FOXC2: variants seen among roughly 807,000 people sequenced by gnomAD.
FOXC2 encodes forkhead box protein C2.
FOXC2 carries 7 observed loss-of-function variants against 7.2 expected under a neutral mutation model. The observed-to-expected ratio is 0.97, with a 90% confidence interval of 0.55 to 1.81. The LOEUF (loss-of-function observed/expected upper bound fraction) is 1.81. Among genes scored for constraint, FOXC2 ranks in the 40% most tolerant of loss-of-function variants. FOXC2 has a pLI of 0.00. For missense variants in FOXC2, 846 were observed against 741.2 expected (o/e 1.14, Z -1.64); for synonymous variants, 436 against 350.4 (o/e 1.24, Z -2.73).
chr16:86,568,311 G>T lies in FOXC2; in HGVS notation c.976G>T (p.Ala326Ser). Residue 326 changes from alanine (A) to serine (S), a missense_variant, in exon 1 of 1, where the codon GCC becomes TCC. By Grantham distance (99) the Ala-to-Ser change is moderately conservative (BLOSUM62 1). Coordinates refer to ENST00000649859, the MANE Select transcript of FOXC2 (RefSeq NM_005251.3). The surrounding 1 kb of genome is among the most constrained non-coding windows in gnomAD (Gnocchi z 5.2). The part of the protein sequence containing the change: ...PCAQGLEAGA[A>S]GGYQCSMRAM... ...CGCTCAGGGCCTGGAGGCCGGGGCC[G>T]CCGGGGGCTACCAGTGCAGCATGCG... 1 of 1,273,736 alleles carries T rather than the reference G, an allele frequency of 7.9e-7. No individual in the cohort carries two copies. Among genetic ancestry groups the T allele is most frequent in the Non-Finnish European group, 9.9e-7 (1 of 1,009,828 alleles). The allele number at this position is 1,273,736 out of a possible 1,614,324, so 78.9% of individuals were successfully genotyped here.
chr16:86,568,369 C>T lies in FOXC2; in HGVS notation c.1034C>T (p.Pro345Leu). The T allele has an allele frequency of 7.3e-7, 1 of 1,377,754 alleles. No homozygotes were observed. Among genetic ancestry groups the T allele is most frequent in the Middle Eastern group, 2.3e-4 (1 of 4,262 alleles). The allele number at this position is 1,377,754 out of a possible 1,614,324, so 85.3% of individuals were successfully genotyped here. A position where few individuals can be genotyped will look rare whatever the true frequency, so the allele number is the denominator to read the frequency against. The change falls in exon 1 of 1, where the codon CCG becomes CTG. Residue 345 changes from proline to leucine, a missense_variant. Physicochemically the swap from Pro to Leu is moderately conservative, Grantham distance 98. Around this residue, in one of 3 missense-constraint regions of FOXC2, gnomAD observed 640 missense variants for 503.2 expected, o/e 1.27. Transcript: ENST00000649859. The surrounding 1 kb of genome is among the most constrained non-coding windows in gnomAD (Gnocchi z 5.2). ...AMSLYTGAER[P>L]AHMCVPPALD... ...AGCCTGTACACCGGGGCCGAGCGGC[C>T]GGCGCACATGTGCGTCCCGCCCGCC...
At position 86,568,313 on chromosome 16, in the gene FOXC2, CG is replaced by C. The variant is rs1483728358; in HGVS notation, c.983del (p.Gly328AlafsTer9). On this transcript the variant is annotated frameshift_variant, in exon 1 of 1. Coordinates refer to ENST00000649859, the MANE Select transcript of FOXC2 (RefSeq NM_005251.3). LOFTEE classifies it low-confidence loss of function (END_TRUNC). The surrounding 1 kb of genome is among the most constrained non-coding windows in gnomAD (Gnocchi z 5.2). ...CTCAGGGCCTGGAGGCCGGGGCCGC[CG>C]GGGGCTACCAGTGCAGCATGCGAGC... is the stretch of plus-strand genomic sequence containing the variant. ...CAQGLEAGAA[G>X]GYQCSMRAMS... 6 of 1,278,860 alleles carry C rather than the reference CG, an allele frequency of 4.7e-6. No individual in the cohort carries two copies. Among genetic ancestry groups the C allele is most frequent in the South Asian group, 2.5e-5 (1 of 40,528 alleles). 79.2% of individuals were successfully genotyped at this position (1,278,860 alleles called of 1,614,324 possible).
At position 86,568,613 on chromosome 16, in the gene FOXC2, C is replaced by G. The variant is rs1229283171; in HGVS notation, c.1278C>G (p.Leu426=). The G allele has an allele frequency of 6.2e-7, 1 of 1,611,700 alleles. No individual in the cohort carries two copies. Among genetic ancestry groups the G allele is most frequent in the Non-Finnish European group, 8.5e-7 (1 of 1,179,574 alleles). Residue 426 remains leucine (L), a synonymous_variant, in exon 1 of 1, where the codon CTC becomes CTG. Transcript: ENST00000649859. This position sits in a 1 kb window ranked among gnomAD's most constrained non-coding sequence, Gnocchi z 5.2. The part of the protein sequence containing the change: ...AAAAQAASWY[L]NHSGDLNHLP... The stretch of plus-strand genomic sequence containing the variant: ...CGGCGCAGGCGGCCTCCTGGTATCT[C>G]AACCACAGCGGGGACCTGAACCACC...
At position 86,569,216 on chromosome 16, in the gene FOXC2, C is replaced by G; in HGVS notation, c.*375C>G. The G allele has an allele frequency of 2.7e-6, 1 of 371,538 alleles. No individual in the cohort carries two copies. Among genetic ancestry groups the G allele is most frequent in the South Asian group, 2.7e-5 (1 of 36,456 alleles). The allele number at this position is 371,538 out of a possible 1,614,324, so 23.0% of individuals were successfully genotyped here. Reference sequence around the variant, plus strand: ...GCCCCTAGTGACTTTCTGTAGGGGTCCCCATAGGTGTATGGGGGTCTCTAT... The same window carrying G: ...GCCCCTAGTGACTTTCTGTAGGGGTGCCCATAGGTGTATGGGGGTCTCTAT... On this transcript the variant is annotated 3_prime_UTR_variant, in exon 1 of 1. Coordinates refer to ENST00000649859, the MANE Select transcript of FOXC2 (RefSeq NM_005251.3).
rs1363730825 is a variant in FOXC2, at chr16:86,568,134, C to A, written c.799C>A (p.Leu267Met). 1 of 1,351,366 alleles carries A rather than the reference C, an allele frequency of 7.4e-7. No homozygotes were observed. Among genetic ancestry groups the A allele is most frequent in the Admixed American group, 3.8e-5 (1 of 26,098 alleles). 83.7% of individuals were successfully genotyped at this position (1,351,366 alleles called of 1,614,324 possible). A position where few individuals can be genotyped will look rare whatever the true frequency, so the allele number is the denominator to read the frequency against. ...PEHHAAAPNG[L>M]PGFSVENIMT... is the part of the protein sequence containing the mutation. Reference sequence around the variant, plus strand: ...GCACCACGCCGCGGCGCCCAACGGGCTGCCTGGCTTCAGCGTGGAGAACAT... The same window carrying A: ...GCACCACGCCGCGGCGCCCAACGGGATGCCTGGCTTCAGCGTGGAGAACAT... Residue 267 changes from leucine (L) to methionine (M), a missense_variant, in exon 1 of 1, where the codon CTG becomes ATG. Leu to Met is a conservative substitution (Grantham distance 15). Transcript: ENST00000649859. The surrounding 1 kb of genome is among the most constrained non-coding windows in gnomAD (Gnocchi z 5.2).
rs3751794 is a variant in FOXC2, at chr16:86,569,037, C to A, written c.*196C>A. On this transcript the variant is annotated 3_prime_UTR_variant, in exon 1 of 1. Coordinates refer to ENST00000649859, the MANE Select transcript of FOXC2 (RefSeq NM_005251.3). ...AAGAGCGCAGGTAACTTTAATTCGCCGCCCCGTTTCTGGGATCCCAGGAAA... is the reference window on the plus strand; with the variant it reads ...AAGAGCGCAGGTAACTTTAATTCGCAGCCCCGTTTCTGGGATCCCAGGAAA... The A allele has an allele frequency of 2.9e-6, 2 of 689,820 alleles. No homozygotes were observed. Among genetic ancestry groups the A allele is most frequent in the Non-Finnish European group, 5.0e-6 (2 of 402,722 alleles). The allele number at this position is 689,820 out of a possible 1,614,324, so 42.7% of individuals were successfully genotyped here. A position where few individuals can be genotyped will look rare whatever the true frequency, so the allele number is the denominator to read the frequency against.
chr16:86,568,471 AG>A lies in FOXC2; in HGVS notation c.1139del (p.Gly380AlafsTer53). On this transcript the variant is annotated frameshift_variant, in exon 1 of 1. Coordinates refer to ENST00000649859, the MANE Select transcript of FOXC2 (RefSeq NM_005251.3). LOFTEE classifies it high-confidence loss of function. The surrounding 1 kb of genome is among the most constrained non-coding windows in gnomAD (Gnocchi z 5.2). ...LSALNLAAGQ[E>X]GALAATGHHH... The stretch of plus-strand genomic sequence containing the variant: ...GCTCTCAACCTCGCCGCCGGCCAGG[AG>A]GGCGCGCTCGCCGCCACGGGCCACC... 7.6e-7 allele frequency: 1 copy of A among 1,318,140 alleles called. No individual in the cohort carries two copies. Among genetic ancestry groups the A allele is most frequent in the Non-Finnish European group, 9.7e-7 (1 of 1,029,024 alleles). The allele number at this position is 1,318,140 out of a possible 1,614,324, so 81.7% of individuals were successfully genotyped here. A position where few individuals can be genotyped will look rare whatever the true frequency, so the allele number is the denominator to read the frequency against.
chr16:86,567,430 G>A lies in FOXC2; in HGVS notation c.95G>A (p.Gly32Asp). ...TACTACCGGGCTGCGGGCAGCTACG[G>A]CGGCATGGCCAGCCCCATGGGCGTC... ...QNYYRAAGSY[G>D]GMASPMGVYS... is the part of the protein sequence containing the mutation. Residue 32 changes from glycine to aspartate, a missense_variant, in exon 1 of 1, where the codon GGC (glycine) becomes GAC (aspartate). Gly to Asp is a moderately conservative substitution (Grantham distance 94, BLOSUM62 -1). This residue lies in a region of FOXC2 where 154 missense variants were observed against 134.2 expected (regional missense o/e 1.15). Coordinates refer to ENST00000649859, the MANE Select transcript of FOXC2 (RefSeq NM_005251.3). 6.2e-7 allele frequency: 1 copy of A among 1,613,274 alleles called. No homozygotes were observed. Among genetic ancestry groups the A allele is most frequent in the Non-Finnish European group, 8.5e-7 (1 of 1,179,858 alleles).
rs1192798381 is a variant in FOXC2 at position 86,569,347 on chromosome 16, C to A, written c.*506C>A. On this transcript the variant is annotated 3_prime_UTR_variant, in exon 1 of 1. Transcript: ENST00000649859. Reference sequence around the variant, plus strand: ...TGTTGTTGTTGTTGTTGTTCAGAGCCATTAATATAATATTTAAAGTTGAGT... The same window carrying A: ...TGTTGTTGTTGTTGTTGTTCAGAGCAATTAATATAATATTTAAAGTTGAGT... The A allele has an allele frequency of 5.8e-6, 1 of 171,512 alleles. No homozygotes were observed. The highest frequency in any genetic ancestry group is 6.0e-5 in the Admixed American group (1 of 16,538). 10.6% of individuals were successfully genotyped at this position (171,512 alleles called of 1,614,324 possible). A position where few individuals can be genotyped will look rare whatever the true frequency, so the allele number is the denominator to read the frequency against.
Position 86,567,968 on chromosome 16 carries a change from G to A in FOXC2, c.633G>A (p.Val211=). The change falls in exon 1 of 1, where the codon GTG becomes GTA. Residue 211 remains valine, a synonymous_variant. Transcript: ENST00000649859. The stretch of plus-strand genomic sequence containing the variant: ...CCCCCAAGGAGGCCGAGAAGAAGGT[G>A]GTGATCAAGAGCGAGGCGGCGTCCC... ...ADAPKEAEKK[V]VIKSEAASPA... is the part of the protein sequence containing the mutation. 3.9e-6 allele frequency: 6 copies of A among 1,540,078 alleles called. No individual in the cohort carries two copies. Among genetic ancestry groups the A allele is most frequent in the Non-Finnish European group, 4.3e-6 (5 of 1,158,164 alleles).
chr16:86,568,461 GC>G lies in FOXC2; in HGVS notation c.1128del (p.Gly377AlafsTer56). 1 of 1,342,136 alleles carries G rather than the reference GC, an allele frequency of 7.5e-7. No individual in the cohort carries two copies. The allele number at this position is 1,342,136 out of a possible 1,614,324, so 83.1% of individuals were successfully genotyped here. On this transcript the variant is annotated frameshift_variant, in exon 1 of 1. Transcript: ENST00000649859. LOFTEE classifies it high-confidence loss of function. This position sits in a 1 kb window ranked among gnomAD's most constrained non-coding sequence, Gnocchi z 5.2. ...TSPLSALNLA[A>X]GQEGALAATG... The stretch of plus-strand genomic sequence containing the variant: ...GCCCCTGAGCGCTCTCAACCTCGCC[GC>G]CGGCCAGGAGGGCGCGCTCGCCGCC...
chr16:86,568,907 C>T lies in FOXC2; in HGVS notation c.*66C>T, dbSNP rs142773766. Reference sequence around the variant, plus strand: ...GCTTCCCAGCCCCGACCCAACCAGACAATTAAGGGGCTGCAGAGACGCAAA... The same window carrying T: ...GCTTCCCAGCCCCGACCCAACCAGATAATTAAGGGGCTGCAGAGACGCAAA... On this transcript the variant is annotated 3_prime_UTR_variant, in exon 1 of 1. Transcript: ENST00000649859. This position sits in a 1 kb window ranked among gnomAD's most constrained non-coding sequence, Gnocchi z 5.2. The T allele has an allele frequency of 2.4e-4, 378 of 1,596,104 alleles. No individual in the cohort carries two copies. In the African/African-American group the frequency reaches 4.2e-3, roughly 18 times the overall value.
At position 86,567,526 on chromosome 16, in the gene FOXC2, C is replaced by G. The variant is rs369622966; in HGVS notation, c.191C>G (p.Pro64Arg). Reference sequence around the variant, plus strand: ...TACGCGCCCTACCACCACCACCAGCCCGCGGCGCCTAAGGACCTGGTGAAG... The same window carrying G: ...TACGCGCCCTACCACCACCACCAGCGCGCGGCGCCTAAGGACCTGGTGAAG... Reference protein sequence around the residue: ...RSYAPYHHHQPAAPKDLVKPP... With the variant: ...RSYAPYHHHQRAAPKDLVKPP... The change falls in exon 1 of 1, where the codon CCC becomes CGC. Residue 64 changes from proline to arginine, a missense_variant. Transcript: ENST00000649859. The G allele has an allele frequency of 6.2e-7, 1 of 1,614,004 alleles. No individual in the cohort carries two copies. The highest frequency in any genetic ancestry group is 2.2e-5 in the East Asian group (1 of 44,878).
In FOXC2 at chr16:86,568,644, G is replaced by A; in HGVS notation, c.1309G>A (p.Gly437Ser). The A allele has an allele frequency of 1.2e-6, 2 of 1,612,616 alleles. No homozygotes were observed. Among genetic ancestry groups the A allele is most frequent in the Non-Finnish European group, 1.7e-6 (2 of 1,179,968 alleles). The change falls in exon 1 of 1, where the codon GGC (glycine) becomes AGC (serine). Residue 437 changes from glycine (G) to serine (S), a missense_variant. Physicochemically the swap from Gly to Ser is moderately conservative, Grantham distance 56. Around this residue, in one of 3 missense-constraint regions of FOXC2, gnomAD observed 640 missense variants for 503.2 expected, o/e 1.27. Transcript: ENST00000649859. The surrounding 1 kb of genome is among the most constrained non-coding windows in gnomAD (Gnocchi z 5.2). ...NHSGDLNHLP[G>S]HTFAAQQQTF... is the part of the protein sequence containing the mutation. ...CAGCGGGGACCTGAACCACCTCCCC[G>A]GCCACACGTTCGCGGCCCAGCAGCA...
In FOXC2 at chr16:86,568,748, G is replaced by GAGTGGC. The variant is rs755065318; in HGVS notation, c.1415_1420dup (p.Ser472_Gly473dup). 1.2e-6 allele frequency: 2 copies of GAGTGGC among 1,612,972 alleles called. No individual in the cohort carries two copies. Among genetic ancestry groups the GAGTGGC allele is most frequent in the African/African-American group, 2.7e-5 (2 of 75,048 alleles). On this transcript the variant is annotated inframe_insertion, in exon 1 of 1. Coordinates refer to ENST00000649859, the MANE Select transcript of FOXC2 (RefSeq NM_005251.3). The surrounding 1 kb of genome is among the most constrained non-coding windows in gnomAD (Gnocchi z 5.2). ...ACTCGACCCTCGGGGAGTCCCAGGT[G>GAGTGGC]AGTGGCAATGCCAGCTGCCAGCTGC...
chr16:86,568,031 C>A lies in FOXC2; in HGVS notation c.696C>A (p.Ser232Arg). 1.4e-6 allele frequency: 2 copies of A among 1,477,038 alleles called. No homozygotes were observed. Among genetic ancestry groups the A allele is most frequent in the Non-Finnish European group, 8.9e-7 (1 of 1,125,748 alleles). The allele number at this position is 1,477,038 out of a possible 1,614,324, so 91.5% of individuals were successfully genotyped here. Reference protein sequence around the residue: ...LPVITKVETLSPESALQGSPR... With the variant: ...LPVITKVETLRPESALQGSPR... ...TCATCACCAAGGTGGAGACGCTGAG[C>A]CCCGAGAGCGCGCTGCAGGGCAGCC... The change falls in exon 1 of 1, where the codon AGC becomes AGA. Residue 232 changes from serine to arginine, a missense_variant. Ser to Arg is a moderately radical substitution (Grantham distance 110). Transcript: ENST00000649859. The surrounding 1 kb of genome is among the most constrained non-coding windows in gnomAD (Gnocchi z 5.2).
Position 86,567,864 on chromosome 16 carries a change from AAGG to A in FOXC2, c.535_537del (p.Glu179del), listed in dbSNP as rs1449705710. On this transcript the variant is annotated inframe_deletion, in exon 1 of 1. Transcript: ENST00000649859. The stretch of plus-strand genomic sequence containing the variant: ...CAAAAAGAAGGACGTGTCCAAGGAG[AAGG>A]AGGAGCGGGCCCACCTCAAGGAGCC... The A allele has an allele frequency of 6.2e-7, 1 of 1,611,730 alleles. No individual in the cohort carries two copies. Among genetic ancestry groups the A allele is most frequent in the Non-Finnish European group, 8.5e-7 (1 of 1,179,894 alleles).
In FOXC2 at chr16:86,568,471, A is replaced by G. The variant is rs1390495096; in HGVS notation, c.1136A>G (p.Glu379Gly). 2.0e-5 allele frequency: 27 copies of G among 1,318,142 alleles called. No individual in the cohort carries two copies. In the Admixed American group the frequency reaches 5.9e-4, roughly 29 times the overall value. The allele number at this position is 1,318,142 out of a possible 1,614,324, so 81.7% of individuals were successfully genotyped here. Residue 379 changes from glutamate to glycine, a missense_variant, in exon 1 of 1, where the codon GAG becomes GGG. Around this residue, in one of 3 missense-constraint regions of FOXC2, gnomAD observed 640 missense variants for 503.2 expected, o/e 1.27. Coordinates refer to ENST00000649859, the MANE Select transcript of FOXC2 (RefSeq NM_005251.3). The surrounding 1 kb of genome is among the most constrained non-coding windows in gnomAD (Gnocchi z 5.2). ...LSALNLAAGQ[E>G]GALAATGHHH... The stretch of plus-strand genomic sequence containing the variant: ...GCTCTCAACCTCGCCGCCGGCCAGG[A>G]GGGCGCGCTCGCCGCCACGGGCCAC...
chr16:86,568,022 G>T lies in FOXC2; in HGVS notation c.687G>T (p.Glu229Asp). The T allele has an allele frequency of 6.7e-7, 1 of 1,482,212 alleles. No individual in the cohort carries two copies. The highest frequency in any genetic ancestry group is 1.4e-5 in the African/African-American group (1 of 70,620). The allele number at this position is 1,482,212 out of a possible 1,614,324, so 91.8% of individuals were successfully genotyped here. The change falls in exon 1 of 1, where the codon GAG becomes GAT. Residue 229 changes from glutamate to aspartate, a missense_variant. Transcript: ENST00000649859. This position sits in a 1 kb window ranked among gnomAD's most constrained non-coding sequence, Gnocchi z 5.2. Reference sequence around the variant, plus strand: ...CGCTGCCGGTCATCACCAAGGTGGAGACGCTGAGCCCCGAGAGCGCGCTGC... The same window carrying T: ...CGCTGCCGGTCATCACCAAGGTGGATACGCTGAGCCCCGAGAGCGCGCTGC... ...SPALPVITKV[E>D]TLSPESALQG...
Sources: allele counts gnomAD v4.1 joint callset, GRCh38; gene constraint gnomAD v4.1.1; regional missense constraint gnomAD v4.1.1; non-coding constraint Gnocchi (gnomAD v3.1); transcripts MANE v1.5; gene names NCBI Gene and HGNC (gene_info 2026-07-23, HGNC 2026-07-21).